SLC25A3: variants seen among roughly 807,000 people sequenced by gnomAD.
SLC25A3 encodes the protein phosphate transport protein.
A neutral mutation model predicts 37.1 loss-of-function variants in SLC25A3; 14 were observed. That is an observed-to-expected ratio of 0.38 (90% CI 0.25 to 0.59). The LOEUF (loss-of-function observed/expected upper bound fraction) is 0.59, where lower values mean the gene tolerates loss of function less well. Ranked by LOEUF, SLC25A3 falls within the 20% of genes least tolerant of loss-of-function variation. The pLI, the probability that SLC25A3 is intolerant of heterozygous loss-of-function variation, is 0.67. For missense variants in SLC25A3, 385 were observed against 458.1 expected (o/e 0.84, Z 1.46); for synonymous variants, 161 against 168.7 (o/e 0.95, Z 0.36).
At chr12:98,598,759 ATTTT>A (rs1160379378) in intron 5 of SLC25A3, 56 bp downstream of exon 5, 1 of 1,416,050 alleles carries the variant, frequency 7.1e-7, no homozygotes, top group African/African-American at 1.5e-5. Flanking sequence ...AGTGAACTTC[ATTTT>A]TTTTTGTTTT....
rs2097598035 is a variant in SLC25A3, at chr12:98,601,666, A to G, written c.*138A>G. On this transcript the variant is annotated 3_prime_UTR_variant, in exon 8 of 8. Coordinates refer to ENST00000552981, the MANE Select transcript of SLC25A3 (RefSeq NM_002635.4). ...TACTGTAGTACTCTTGCTTAAGGCA[A>G]GAGTTTCAGATTTACTGTTGAAATA... The G allele has an allele frequency of 2.9e-6, 2 of 679,908 alleles. No homozygotes were observed. Among genetic ancestry groups the G allele is most frequent in the Non-Finnish European group, 5.3e-6 (2 of 376,858 alleles). 42.1% of individuals were successfully genotyped at this position (679,908 alleles called of 1,614,324 possible).
rs893510152 is a variant in SLC25A3 at position 98,602,654 on chromosome 12, C to T, written c.*1126C>T. 6.6e-6 allele frequency: 1 copy of T among 151,856 alleles called. No homozygotes were observed. Among genetic ancestry groups the T allele is most frequent in the East Asian group, 1.9e-4 (1 of 5,190 alleles). The allele number at this position is 151,856 out of a possible 1,614,324, so 9.4% of individuals were successfully genotyped here. On this transcript the variant is annotated 3_prime_UTR_variant, in exon 8 of 8. Coordinates refer to ENST00000552981, the MANE Select transcript of SLC25A3 (RefSeq NM_002635.4). ...TGAATTAGTTTTTGTGTTTAGATTCCCCTTAAGTTTGATTAGGAAGTGTAT... is the reference window on the plus strand; with the variant it reads ...TGAATTAGTTTTTGTGTTTAGATTCTCCTTAAGTTTGATTAGGAAGTGTAT...
intron 4 of SLC25A3, 198 bp from the exon 5 acceptor site, chr12:98,598,324 T>G: frequency 1.2e-6 from 1 of 856,410 alleles, no homozygotes; most frequent in Non-Finnish European, 1.8e-6. Context: ...GCATGGCATC[T>G]AGATATTTTT....
intron 6 of SLC25A3, 134 bp downstream of exon 6, chr12:98,600,261 A>G (rs1198290538): frequency 1.4e-6 from 1 of 696,500 alleles, no homozygotes; most frequent in Non-Finnish European, 2.6e-6. Context: ...TCCCTGAGGC[A>G]TAGTCTCGCT....
In SLC25A3 at chr12:98,595,741, T is replaced by G. The variant is rs773009995; in HGVS notation, c.172T>G (p.Phe58Val). 1.2e-6 allele frequency: 2 copies of G among 1,614,188 alleles called. No homozygotes were observed. Among genetic ancestry groups the G allele is most frequent in the Non-Finnish European group, 1.7e-6 (2 of 1,180,012 alleles). ...TCTTACTACAGAGTACAGTTGTGAA[T>G]TTGGCTCCGCGAAGTATTATGCACT... The part of the protein sequence containing the change: ...AAAVEEYSCE[F>V]GSAKYYALCG... Residue 58 changes from phenylalanine (F) to valine (V), a missense_variant, in exon 3 of 8, where the codon TTT (phenylalanine) becomes GTT (valine). Phe to Val is a conservative substitution (Grantham distance 50). Transcript: ENST00000552981.
intron 2 of SLC25A3, chr12:98,595,113 C>T (rs1428940990): frequency 3.1e-6 from 1 of 325,882 alleles, no homozygotes; most frequent in Non-Finnish European, 5.8e-6. Flanking sequence ...TTCTGAGTTT[C>T]GTTTGTACTC....
chr12:98,595,609 G>T, intron 2 of SLC25A3, 118 bp from the exon 3 acceptor site: 2 of 1,612,710 alleles, frequency 1.2e-6, no homozygotes, highest in Non-Finnish European at 1.7e-6. Context: ...TGACTGTTAA[G>T]TTATAAGATA....
At chr12:98,595,497 T>G (rs767615650) in intron 2 of SLC25A3, 1 of 1,613,886 alleles carries the variant, frequency 6.2e-7, no homozygotes, top group Non-Finnish European at 8.5e-7. Flanking sequence ...GAGGAATTAT[T>G]AGCTGTGGCA....
intron 3 of SLC25A3, among the ~76,000 whole-genome samples, chr12:98,597,172 A>T (rs2097593697): frequency 6.6e-6 from 1 of 152,212 alleles, no homozygotes; most frequent in Non-Finnish European, 1.5e-5. Flanking sequence ...TTGAAATTTT[A>T]CCCTCTTAAC....
intron 2 of SLC25A3, 46 bp from the exon 3 acceptor site, chr12:98,595,681 C>T: frequency 6.2e-7 from 1 of 1,614,110 alleles, no homozygotes; most frequent in Non-Finnish European, 8.5e-7. Context: ...TGACCAGTAA[C>T]ATGAGTTTTA....
Position 98,597,948 on chromosome 12 carries a change from G to A in SLC25A3, c.372G>A (p.Pro124=), listed in dbSNP as rs550882044. 8.2e-5 allele frequency: 132 copies of A among 1,614,090 alleles called. No homozygotes were observed. The highest frequency in any genetic ancestry group is 1.0e-4 in the Non-Finnish European group (122 of 1,180,010). ...GTGGTTTGGCTAAAGGATGGGCTCC[G>A]ACTTTCCTTGGCTACTCCATGCAGG... ...GVRGLAKGWA[P]TFLGYSMQGL... Residue 124 remains proline, a synonymous_variant, in exon 4 of 8, where the codon CCG becomes CCA. Coordinates refer to ENST00000552981, the MANE Select transcript of SLC25A3 (RefSeq NM_002635.4).
chr12:98,596,883 T>C (rs116674549), intron 3 of SLC25A3, among the ~76,000 whole-genome samples: 1 of 152,216 alleles, frequency 6.6e-6, no homozygotes, highest in African/African-American at 2.4e-5. Context: ...TAGCTGGGCA[T>C]GGTGGCGTGC....
At chr12:98,599,829 C>T in intron 5 of SLC25A3, 126 bp from the exon 6 acceptor site, 1 of 955,600 alleles carries the variant, frequency 1.0e-6, no homozygotes, top group Non-Finnish European at 1.7e-6. Context: ...ATAGAAATGA[C>T]ATGCATTTAT....
intron 3 of SLC25A3, among the ~76,000 whole-genome samples, 159 bp downstream of exon 3, chr12:98,596,007 TA>T (rs1271201840): frequency 1.3e-5 from 2 of 152,270 alleles, no homozygotes; most frequent in African/African-American, 4.8e-5. Flanking sequence ...ACTAGTGTTT[TA>T]AATCCAATAA....
At chr12:98,596,314 A>G (rs2153284079) in intron 3 of SLC25A3, among the ~76,000 whole-genome samples, 1 of 152,362 alleles carries the variant, frequency 6.6e-6, no homozygotes, top group South Asian at 2.1e-4. Flanking sequence ...TTTACACAAC[A>G]TTTTAAAATA....
intron 6 of SLC25A3, 197 bp from the exon 7 acceptor site, chr12:98,600,971 TGAA>T: frequency 1.9e-6 from 1 of 539,412 alleles, no homozygotes; most frequent in Non-Finnish European, 3.2e-6. Flanking sequence ...CAGAAAGTGT[TGAA>T]TAAAATCTGA....
At position 98,598,506 on chromosome 12, in the gene SLC25A3, G is replaced by A. The variant is rs778812192; in HGVS notation, c.460-16G>A. On this transcript the variant is annotated splice_polypyrimidine_tract_variant and intron_variant, in intron 4 of 7. Transcript: ENST00000552981. ...CAACAGCAATTCACATCCCTTCCTT[G>A]TGTTTTGGATTTTAGGAGAATACTT... The A allele has an allele frequency of 4.3e-6, 7 of 1,611,968 alleles. No homozygotes were observed. The South Asian group carries it at 6.6e-5, about 15-fold the overall frequency.
intron 1 of SLC25A3, 82 bp from the exon 2 acceptor site, chr12:98,593,893 G>C: frequency 6.6e-7 from 1 of 1,521,880 alleles, no homozygotes; most frequent in Non-Finnish European, 9.1e-7. Context: ...GGAAGGAAAA[G>C]GCCCCGGTTG....
chr12:98,599,504 TCCC>T, intron 5 of SLC25A3: 7 of 417,282 alleles, frequency 1.7e-5, no homozygotes, highest in Non-Finnish European at 2.8e-5. Context: ...TTTTTTTTTT[TCCC>T]TAGAGTAAGG....
Sources: gnomAD v4.1 joint callset for allele counts (sites outside exome capture counted in the v4.1 genomes callset) on GRCh38, gnomAD v4.1.1 for gene constraint, MANE v1.5 for transcripts, NCBI Gene and HGNC (gene_info 2026-07-23, HGNC 2026-07-21) for gene names.